Variants in CDK5RAP2 observed in about 807,000 individuals in gnomAD.
The protein encoded by CDK5RAP2 is CDK5 regulatory subunit-associated protein 2.
Under a neutral mutation model 232.9 loss-of-function variants are expected in CDK5RAP2, and 147 were observed. The observed-to-expected ratio is 0.63, with a 90% CI of 0.55 to 0.72. The LOEUF (loss-of-function observed/expected upper bound fraction) is 0.72, where lower values mean the gene tolerates loss of function less well. Ranked by LOEUF, CDK5RAP2 falls within the 30% of genes least tolerant of loss-of-function variation. The pLI, the probability that CDK5RAP2 is intolerant of heterozygous loss-of-function variation, is 0.00. For synonymous variants in CDK5RAP2, 833 were observed against 833.7 expected, an observed-to-expected ratio of 1.00 and a Z score of 0.01; for missense variants, 2,195 against 2,231.5, an observed-to-expected ratio of 0.98 and a Z score of 0.33.
chr9:120,398,775 A>T (rs1050959752), intron 35 of CDK5RAP2, among the ~76,000 whole-genome samples: 1 of 152,218 alleles, frequency 6.6e-6, no homozygotes, highest in Non-Finnish European at 1.5e-5. Flanking sequence ...ACCCCTCCAC[A>T]CAACTGGTGC....
At position 120,439,915 on chromosome 9, in the gene CDK5RAP2, G is replaced by A; in HGVS notation, c.3206C>T (p.Pro1069Leu). The change falls in exon 24 of 38, where the codon CCT becomes CTT. Residue 1069 changes from proline to leucine, a missense_variant. By Grantham distance (98) the Pro-to-Leu change is moderately conservative. Transcript: ENST00000349780. ...TGAAGTTGGGCTCAGAACATCTTCA[G>A]GATTTTCTTTGCATGATGGCAAGCT... The part of the protein sequence containing the change: ...LASLPSCKEN[P>L]EDVLSPTSVA... 6.2e-7 allele frequency: 1 copy of A among 1,614,184 alleles called. No homozygotes were observed.
At chr9:120,483,432 C>T (rs2131595673) in intron 14 of CDK5RAP2, among the ~76,000 whole-genome samples, 1 of 152,346 alleles carries the variant, frequency 6.6e-6, no homozygotes, top group South Asian at 2.1e-4. Flanking sequence ...GAGTCTGGGA[C>T]TCAGATGAGG....
At chr9:120,398,075 T>A (rs2032674500) in intron 35 of CDK5RAP2, among the ~76,000 whole-genome samples, 1 of 152,222 alleles carries the variant, frequency 6.6e-6, no homozygotes. Flanking sequence ...GGAACCCTAG[T>A]TCCCTTTAGC....
intron 25 of CDK5RAP2, among the ~76,000 whole-genome samples, chr9:120,426,925 A>C (rs2034939644): frequency 6.6e-6 from 1 of 152,144 alleles, no homozygotes; most frequent in African/African-American, 2.4e-5. Context: ...CCAGCTCCAA[A>C]GGGAGGAGAG....
At chr9:120,480,738 T>G (rs1199834192) in intron 14 of CDK5RAP2, among the ~76,000 whole-genome samples, 1 of 152,178 alleles carries the variant, frequency 6.6e-6, no homozygotes, top group Non-Finnish European at 1.5e-5. Context: ...GAAGCCCTGA[T>G]CCAGGAGAAT....
chr9:120,420,032 T>C (rs1447659840), intron 26 of CDK5RAP2, 72 bp from the exon 27 acceptor site: 27 of 1,174,338 alleles, frequency 2.3e-5, no homozygotes, highest in Non-Finnish European at 3.5e-5. Flanking sequence ...GACTTACGAA[T>C]ACTTACGATT....
Position 120,437,281 on chromosome 9 carries a change from C to T in CDK5RAP2, c.3955+14G>A. On this transcript the variant is annotated intron_variant, in intron 25 of 37. Coordinates refer to ENST00000349780, the MANE Select transcript of CDK5RAP2 (RefSeq NM_018249.6). ...TACTGATGTCTTAAGACTCGCGTACCTCACCCTACCTACCGTTGAGAAATA... is the reference window on the plus strand; with the variant it reads ...TACTGATGTCTTAAGACTCGCGTACTTCACCCTACCTACCGTTGAGAAATA... 6.3e-7 allele frequency: 1 copy of T among 1,584,704 alleles called. No individual in the cohort carries two copies. Among genetic ancestry groups the T allele is most frequent in the Non-Finnish European group, 8.6e-7 (1 of 1,158,198 alleles).
chr9:120,458,246 C>T (rs1043487587), intron 20 of CDK5RAP2, among the ~76,000 whole-genome samples: 1 of 152,206 alleles, frequency 6.6e-6, no homozygotes, highest in African/African-American at 2.4e-5. Flanking sequence ...AATGGGCTTA[C>T]ATGAGGCTTT....
Position 120,467,963 on chromosome 9 carries a change from T to C in CDK5RAP2, c.2003A>G (p.Tyr668Cys), listed in dbSNP as rs137966123. 3.3e-4 allele frequency: 530 copies of C among 1,613,996 alleles called. 1 individual carries two copies. Among genetic ancestry groups the C allele is most frequent in the Non-Finnish European group, 3.4e-4 (396 of 1,179,960 alleles). ...SDLIQLVKEL[Y>C]TDNQHLKKTI... ...TTTCTTCAGGTGCTGGTTGTCTGTA[T>C]ACAGCTCCTTCACTAGCTGTATAAG... The change falls in exon 18 of 38, where the codon TAT becomes TGT. Residue 668 changes from tyrosine to cysteine, a missense_variant. By Grantham distance (194) the Tyr-to-Cys change is radical. Transcript: ENST00000349780.
chr9:120,505,228 T>C (rs1021635776), intron 12 of CDK5RAP2, among the ~76,000 whole-genome samples: 5 of 152,216 alleles, frequency 3.3e-5, no homozygotes, highest in African/African-American at 1.2e-4. Flanking sequence ...ATTCTTGCAA[T>C]ATGTCAAACT....
chr9:120,518,218 A>T (rs994668119), intron 12 of CDK5RAP2, among the ~76,000 whole-genome samples: 1,447 of 130,100 alleles, frequency 0.011, 19 homozygotes, highest in Admixed American at 0.04. Context: ...TGTGAGAGAG[A>T]GAGAGAGAGA....
At chr9:120,407,852 A>G in intron 31 of CDK5RAP2, 1 of 236,110 alleles carries the variant, frequency 4.2e-6, no homozygotes, top group Non-Finnish European at 8.5e-6. Flanking sequence ...AGCAATGCCC[A>G]GCACGTGAGA....
chr9:120,517,339 T>C (rs1193175524), intron 12 of CDK5RAP2, among the ~76,000 whole-genome samples: 1 of 152,158 alleles, frequency 6.6e-6, no homozygotes, highest in Admixed American at 6.5e-5. Context: ...ACCTTCCGGA[T>C]CCTGGTGTCC....
Position 120,528,753 on chromosome 9 carries a change from C to G in CDK5RAP2, c.870G>C (p.Glu290Asp). Residue 290 changes from glutamate (E) to aspartate (D), a missense_variant, in exon 9 of 38, where the codon GAG becomes GAC. Transcript: ENST00000349780. Reference sequence around the variant, plus strand: ...AATTGTATCAACATACCTGGATCCTCTCTTCAAAGCTGTTTCTCTCCTTCT... The same window carrying G: ...AATTGTATCAACATACCTGGATCCTGTCTTCAAAGCTGTTTCTCTCCTTCT... The part of the protein sequence containing the change: ...EHQKERNSFE[E>D]RIQALEEDLR... The G allele has an allele frequency of 6.2e-7, 1 of 1,602,700 alleles. No homozygotes were observed. The highest frequency in any genetic ancestry group is 8.6e-7 in the Non-Finnish European group (1 of 1,169,466).
At chr9:120,528,960 C>T in intron 8 of CDK5RAP2, 163 bp from the exon 9 acceptor site, 1 of 650,938 alleles carries the variant, frequency 1.5e-6, no homozygotes, top group Non-Finnish European at 2.8e-6. Context: ...ACCCAAAGCC[C>T]TGCCTGATTT....
At position 120,546,836 on chromosome 9, in the gene CDK5RAP2, T is replaced by C. The variant is rs77163847; in HGVS notation, c.307-1046A>G. On this transcript the variant is annotated intron_variant, in intron 4 of 37. Coordinates refer to ENST00000349780, the MANE Select transcript of CDK5RAP2 (RefSeq NM_018249.6). ...GTTTGTTTTACAGATTGGGTCTTGC[T>C]ATATCGCACAGGCTGGTCTTAAACT... 2.0e-3 allele frequency among the ~76,000 whole-genome samples: 297 copies of C among 152,296 alleles called. 1 individual carries two copies. The highest frequency in any genetic ancestry group is 3.8e-3 in the Non-Finnish European group (256 of 68,026).
At chr9:120,484,977 G>A (rs1250785323) in intron 14 of CDK5RAP2, among the ~76,000 whole-genome samples, 1 of 151,492 alleles carries the variant, frequency 6.6e-6, no homozygotes, top group African/African-American at 2.4e-5. Flanking sequence ...TCCTGTCTCA[G>A]CCTCCCACAA....
chr9:120,463,388 C>T (rs555222153), intron 18 of CDK5RAP2, among the ~76,000 whole-genome samples: 1 of 152,148 alleles, frequency 6.6e-6, no homozygotes, highest in African/African-American at 2.4e-5. Flanking sequence ...AAAACAACAA[C>T]AACAACGAAA....
intron 27 of CDK5RAP2, among the ~76,000 whole-genome samples, chr9:120,416,814 T>C (rs2034250610): frequency 6.6e-6 from 1 of 152,234 alleles, no homozygotes; most frequent in African/African-American, 2.4e-5. Context: ...TTTAAAACAT[T>C]ACACTAATGT....
Sources: allele counts gnomAD v4.1 joint callset (sites outside exome capture counted in the v4.1 genomes callset), GRCh38; gene constraint gnomAD v4.1.1; transcripts MANE v1.5; gene names NCBI Gene and HGNC (gene_info 2026-07-23, HGNC 2026-07-21).